RBM6: variants seen among roughly 807,000 people sequenced by gnomAD.
RBM6 encodes RNA-binding protein 6.
Under a neutral mutation model 140.4 loss-of-function variants are expected in RBM6, and 23 were observed. That is an observed-to-expected ratio of 0.16 (90% CI 0.12 to 0.23). The LOEUF (loss-of-function observed/expected upper bound fraction) is 0.23, where lower values mean the gene tolerates loss of function less well. Ranked by LOEUF, RBM6 falls within the 10% of genes least tolerant of loss-of-function variation. The pLI, the probability that RBM6 is intolerant of heterozygous loss-of-function variation, is 1.00. For synonymous variants in RBM6, 439 were observed against 475.6 expected (o/e 0.92, Z 1.00); for missense variants, 1,139 against 1,386.7 (o/e 0.82, Z 2.84).
At chr3:50,011,545 A>G (rs1407475802) in intron 6 of RBM6, among the ~76,000 whole-genome samples, 1 of 152,186 alleles carries the variant, frequency 6.6e-6, no homozygotes, top group South Asian at 2.1e-4. Context: ...ATTGCTAATC[A>G]AAGCTCAAAG....
chr3:49,989,329 C>A (rs957973300), intron 5 of RBM6, among the ~76,000 whole-genome samples: 2 of 152,054 alleles, frequency 1.3e-5, no homozygotes, highest in African/African-American at 4.8e-5. Flanking sequence ...AATGCCAGCA[C>A]TTTGGGAGGC....
At position 49,967,152 on chromosome 3, in the gene RBM6, T is replaced by C; in HGVS notation, c.45-318T>C. On this transcript the variant is annotated intron_variant, in intron 2 of 20. Transcript: ENST00000266022. The surrounding 1 kb of genome is among the most constrained non-coding windows in gnomAD (Gnocchi z 4.0). Reference sequence around the variant, plus strand: ...AGGAAATGGAAATTTTTGTAGTATGTCACCATTGTTAGCTTATTTGGTATT... The same window carrying C: ...AGGAAATGGAAATTTTTGTAGTATGCCACCATTGTTAGCTTATTTGGTATT... 1.0e-6 allele frequency: 1 copy of C among 986,214 alleles called. No individual in the cohort carries two copies. Among genetic ancestry groups the C allele is most frequent in the South Asian group, 4.1e-5 (1 of 24,140 alleles). 61.1% of individuals were successfully genotyped at this position (986,214 alleles called of 1,614,324 possible).
intron 1 of RBM6, among the ~76,000 whole-genome samples, chr3:49,959,960 T>C (rs1228058349): frequency 6.6e-6 from 1 of 152,208 alleles, no homozygotes; most frequent in African/African-American, 2.4e-5. Context: ...ATGTCCTAAT[T>C]TGCCAAAGAG....
At chr3:49,952,460 C>CA (rs2083778064) in intron 1 of RBM6, among the ~76,000 whole-genome samples, 1 of 151,800 alleles carries the variant, frequency 6.6e-6, no homozygotes, top group Non-Finnish European at 1.5e-5. Context: ...GCACTGTGCC[C>CA]AGCCACTTTT....
At chr3:50,026,557 T>A (rs986540324) in intron 6 of RBM6, among the ~76,000 whole-genome samples, 4 of 151,406 alleles carry the variant, frequency 2.6e-5, no homozygotes, top group Non-Finnish European at 4.4e-5. Context: ...TTTTTTGTAT[T>A]TTTAGTAAAG....
chr3:50,050,157 A>G (rs933295187), intron 7 of RBM6, among the ~76,000 whole-genome samples: 1 of 152,038 alleles, frequency 6.6e-6, no homozygotes, highest in Non-Finnish European at 1.5e-5. Flanking sequence ...GTGAGCTGCC[A>G]TATCTAGCCT....
chr3:49,958,688 T>C (rs537355530), intron 1 of RBM6, among the ~76,000 whole-genome samples: 1 of 151,742 alleles, frequency 6.6e-6, no homozygotes, highest in African/African-American at 2.4e-5. Flanking sequence ...GAGGTGGAGC[T>C]TGCAGTGAGC....
rs756797254 is a variant in RBM6 at position 50,075,232 on chromosome 3, G to C, written c.3148G>C (p.Asp1050His). The C allele has an allele frequency of 6.2e-7, 1 of 1,613,956 alleles. No homozygotes were observed. Among genetic ancestry groups the C allele is most frequent in the Admixed American group, 1.7e-5 (1 of 59,990 alleles). ...DRKLVDKEDI[D>H]TSSKGGCVQQ... ...TAAACTTGTTGATAAAGAAGATATC[G>C]ACACTAGCAGCAAAGGAGGCTGTGT... The change falls in exon 20 of 21, where the codon GAC becomes CAC. Residue 1050 changes from aspartate to histidine, a missense_variant. Asp to His is a moderately conservative substitution (Grantham distance 81). Coordinates refer to ENST00000266022, the MANE Select transcript of RBM6 (RefSeq NM_005777.3).
chr3:49,943,106 TTG>T (rs2083355737), intron 1 of RBM6, among the ~76,000 whole-genome samples: 2 of 152,310 alleles, frequency 1.3e-5, no homozygotes, highest in Admixed American at 1.3e-4. Context: ...GCTTAATCCG[TTG>T]TGTGTGTACA....
chr3:50,047,896 C>G (rs997893142), intron 6 of RBM6, among the ~76,000 whole-genome samples: 1 of 152,200 alleles, frequency 6.6e-6, no homozygotes, highest in Admixed American at 6.5e-5. Context: ...TGATAGTGTG[C>G]TAGCTCCTGA....
At chr3:49,940,403 C>G (rs950226894) in intron 1 of RBM6, 178 bp downstream of exon 1, 11 of 153,096 alleles carry the variant, frequency 7.2e-5, no homozygotes, top group Admixed American at 3.3e-4. Context: ...AGGGAGGCGC[C>G]GCCCGTGGCA....
intron 7 of RBM6, 53 bp from the exon 8 acceptor site, chr3:50,054,282 C>A: frequency 7.0e-7 from 1 of 1,437,470 alleles, no homozygotes; most frequent in Non-Finnish European, 9.8e-7. Flanking sequence ...GTTAGATATA[C>A]ATAAGATTTT....
intron 13 of RBM6, 48 bp from the exon 14 acceptor site, chr3:50,061,414 G>C: frequency 6.3e-7 from 1 of 1,585,550 alleles, no homozygotes; most frequent in Non-Finnish European, 8.5e-7. Flanking sequence ...TCCAGTAAGG[G>C]CTTCATTGGA....
intron 1 of RBM6, among the ~76,000 whole-genome samples, chr3:49,941,696 ATAG>A (rs2083290817): frequency 6.7e-6 from 1 of 149,692 alleles, no homozygotes; most frequent in African/African-American, 2.5e-5. Context: ...AAAAACCAAC[ATAG>A]TAGAGGCAGC....
At chr3:49,941,309 A>G (rs531664304) in intron 1 of RBM6, among the ~76,000 whole-genome samples, 1 of 152,198 alleles carries the variant, frequency 6.6e-6, no homozygotes, top group East Asian at 1.9e-4. Flanking sequence ...TAGATACCTA[A>G]CCTGCAGGAC....
intron 5 of RBM6, among the ~76,000 whole-genome samples, chr3:49,986,167 T>C (rs1039654585): frequency 6.6e-6 from 1 of 151,702 alleles, no homozygotes; most frequent in African/African-American, 2.4e-5. Context: ...TTGTATTTTT[T>C]TTTTTTAGTA....
chr3:49,970,089 C>T (rs2084720803), intron 3 of RBM6, among the ~76,000 whole-genome samples: 1 of 152,066 alleles, frequency 6.6e-6, no homozygotes, highest in Non-Finnish European at 1.5e-5. Flanking sequence ...TGTAGTTGTG[C>T]ACCACCAAAT....
chr3:50,007,426 G>A (rs529724591), intron 6 of RBM6, among the ~76,000 whole-genome samples: 8 of 151,936 alleles, frequency 5.3e-5, no homozygotes, highest in African/African-American at 9.7e-5. Context: ...AGGTCAAAGC[G>A]ATCTGCCTAC....
At chr3:49,944,600 C>T (rs567986507) in intron 1 of RBM6, among the ~76,000 whole-genome samples, 20 of 151,404 alleles carry the variant, frequency 1.3e-4, no homozygotes, top group Admixed American at 4.6e-4. Context: ...CTCAGCCTCC[C>T]GAGTAGCTGG....
Sources: gnomAD v4.1 joint callset for allele counts (sites outside exome capture counted in the v4.1 genomes callset) on GRCh38, gnomAD v4.1.1 for gene constraint, Gnocchi (gnomAD v3.1) non-coding constraint, MANE v1.5 for transcripts, NCBI Gene and HGNC (gene_info 2026-07-23, HGNC 2026-07-21) for gene names.